CCDC149: variants seen among roughly 807,000 people sequenced by gnomAD.
CCDC149 encodes coiled-coil domain-containing protein 149.
Under a neutral mutation model 59.9 loss-of-function variants are expected in CCDC149, and 45 were observed. The observed-to-expected ratio is 0.75, with a 90% confidence interval of 0.59 to 0.96. CCDC149 has a LOEUF of 0.96. Among genes scored for constraint, CCDC149 ranks in the 40% least tolerant of loss-of-function variants. The probability of loss-of-function intolerance (pLI) is 0.00; values close to 1 mark genes in which losing one functional copy is unlikely to be tolerated. For missense variants in CCDC149, 584 were observed against 664.7 expected, an observed-to-expected ratio of 0.88 and a Z score of 1.33; for synonymous variants, 245 against 260.6, an observed-to-expected ratio of 0.94 and a Z score of 0.58.
At chr4:24,933,097 G>T (rs1369456799) in intron 1 of CCDC149, among the ~76,000 whole-genome samples, 1 of 152,176 alleles carries the variant, frequency 6.6e-6, no homozygotes. Flanking sequence ...TAACAAAGAG[G>T]GGGCTGTTCT....
rs373054547 is a variant in CCDC149 at position 24,943,698 on chromosome 4, A to G, written c.-65+36371T>C. On this transcript the variant is annotated intron_variant, in intron 1 of 12. Coordinates refer to the CCDC149 transcript ENST00000389609. ...ACAGGGCTAATATCCAGAATCTACA[A>G]TGAACTCAAACAAATTTACAAGAAA... 5.9e-5 allele frequency among the ~76,000 whole-genome samples: 9 copies of G among 152,324 alleles called. No individual in the cohort carries two copies. The East Asian group carries it at 9.6e-4, about 16-fold the overall frequency.
chr4:24,885,770 G>A (rs2244756), intron 1 of CCDC149, among the ~76,000 whole-genome samples: 27,653 of 152,216 alleles, frequency 0.18, 2,629 homozygotes, highest in Non-Finnish European at 0.22. Flanking sequence ...AGTAGGGACT[G>A]CTGACATTCT....
At chr4:24,922,093 A>G (rs1722312135) in intron 1 of CCDC149, among the ~76,000 whole-genome samples, 2 of 152,074 alleles carry the variant, frequency 1.3e-5, no homozygotes, top group South Asian at 2.1e-4. Context: ...CTCTGTGTCT[A>G]AATTTCCCCT....
At chr4:24,812,160 A>T (rs1714654151) in intron 12 of CCDC149, among the ~76,000 whole-genome samples, 1 of 152,250 alleles carries the variant, frequency 6.6e-6, no homozygotes, top group Admixed American at 6.5e-5. Flanking sequence ...TAAATCAATC[A>T]TATCGGCAAA....
Position 24,821,063 on chromosome 4 carries a change from C to A in CCDC149, c.1067G>T (p.Gly356Val). 8.1e-7 allele frequency: 1 copy of A among 1,231,198 alleles called. No homozygotes were observed. Among genetic ancestry groups the A allele is most frequent in the Non-Finnish European group, 1.0e-6 (1 of 987,572 alleles). The allele number at this position is 1,231,198 out of a possible 1,614,324, so 76.3% of individuals were successfully genotyped here. ...TTTTAAACAGAACATACTCCCAAAT[C>A]CTACTGAAACATTGTAGCTCAGGCC... is the stretch of plus-strand genomic sequence containing the variant. The change falls in exon 11 of 13, where the codon GGA becomes GTA. Residue 356 changes from glycine to valine, a missense_variant. Physicochemically the swap from Gly to Val is moderately radical, Grantham distance 109 (BLOSUM62 -3). Transcript: ENST00000635206.
chr4:24,967,321 G>T (rs538634613), intron 1 of CCDC149, among the ~76,000 whole-genome samples: 2 of 152,292 alleles, frequency 1.3e-5, no homozygotes, highest in East Asian at 1.9e-4. Context: ...TGGAGGAGGT[G>T]CAGAAAATGT....
In CCDC149 at chr4:24,831,581, T is replaced by C; in HGVS notation, c.890A>G (p.Lys297Arg). 2 of 1,614,116 alleles carry C rather than the reference T, an allele frequency of 1.2e-6. No homozygotes were observed. Among genetic ancestry groups the C allele is most frequent in the South Asian group, 2.2e-5 (2 of 91,080 alleles). Reference sequence around the variant, plus strand: ...TTCCAACAGGGCTGTTGCCAGAGATTTCAGGTCAGAAATGGACTGCGGAGT... The same window carrying C: ...TTCCAACAGGGCTGTTGCCAGAGATCTCAGGTCAGAAATGGACTGCGGAGT... Residue 297 changes from lysine to arginine, a missense_variant, in exon 9 of 13, where the codon AAA becomes AGA. By Grantham distance (26) the Lys-to-Arg change is conservative (BLOSUM62 2). Coordinates refer to ENST00000635206, the MANE Select transcript of CCDC149 (RefSeq NM_001330643.2).
chr4:24,811,358 C>G (rs1240034026), intron 12 of CCDC149, among the ~76,000 whole-genome samples: 1 of 151,860 alleles, frequency 6.6e-6, no homozygotes, highest in Non-Finnish European at 1.5e-5. Flanking sequence ...ATCCTGCGTC[C>G]CCCCTGCTTG....
intron 1 of CCDC149, among the ~76,000 whole-genome samples, chr4:24,884,809 T>C (rs1313335184): frequency 2.0e-5 from 3 of 152,356 alleles, no homozygotes; most frequent in South Asian, 2.1e-4. Flanking sequence ...GTGTGTTGTA[T>C]GCATGTTAAT....
chr4:24,968,916 G>T (rs1003690318), intron 1 of CCDC149, among the ~76,000 whole-genome samples: 10 of 152,218 alleles, frequency 6.6e-5, no homozygotes, highest in Non-Finnish European at 2.9e-5. Flanking sequence ...ATCAGAAAGA[G>T]ATAACTATTT....
At chr4:24,930,322 G>A (rs1158178463) in intron 1 of CCDC149, among the ~76,000 whole-genome samples, 1 of 152,244 alleles carries the variant, frequency 6.6e-6, no homozygotes, top group African/African-American at 2.4e-5. Context: ...TCATCACATG[G>A]AGGGAAGCCA....
chr4:24,812,447 A>G (rs892472951), intron 12 of CCDC149, among the ~76,000 whole-genome samples: 1 of 152,338 alleles, frequency 6.6e-6, no homozygotes, highest in Non-Finnish European at 1.5e-5. Flanking sequence ...TGTAGAAGAT[A>G]CAGACCCACG....
At chr4:24,894,852 C>A in intron 1 of CCDC149, 1 of 1,067,392 alleles carries the variant, frequency 9.4e-7, no homozygotes, top group African/African-American at 1.6e-5. Context: ...CTCAAAGTCG[C>A]TGACACCCCT....
intron 1 of CCDC149, among the ~76,000 whole-genome samples, chr4:24,904,072 T>C (rs972237963): frequency 9.9e-5 from 15 of 152,232 alleles, no homozygotes; most frequent in African/African-American, 3.4e-4. Context: ...AGTGCTGCGA[T>C]TACAGGCGTG....
intron 12 of CCDC149, among the ~76,000 whole-genome samples, chr4:24,809,405 A>G (rs990627831): frequency 2.0e-5 from 3 of 152,180 alleles, no homozygotes; most frequent in Middle Eastern, 3.2e-3. Context: ...CCCCTTCTCT[A>G]TAGGATGGAA....
At position 24,835,153 on chromosome 4, in the gene CCDC149, A is replaced by C. The variant is rs997691767; in HGVS notation, c.736-121T>G. On this transcript the variant is annotated intron_variant, in intron 7 of 12. Transcript: ENST00000635206. ...CCTTGCAAACTCCAAGTGCTAGCCTAATATTTAGAATTCCAAGTCTACGCC... is the reference window on the plus strand; with the variant it reads ...CCTTGCAAACTCCAAGTGCTAGCCTCATATTTAGAATTCCAAGTCTACGCC... 9.9e-6 allele frequency: 6 copies of C among 605,802 alleles called. No homozygotes were observed. The African/African-American group carries it at 1.1e-4, about 11-fold the overall frequency. 37.5% of individuals were successfully genotyped at this position (605,802 alleles called of 1,614,324 possible). A position where few individuals can be genotyped will look rare whatever the true frequency, so the allele number is the denominator to read the frequency against.
chr4:24,846,252 C>T (rs950931231), intron 4 of CCDC149, among the ~76,000 whole-genome samples: 1 of 152,184 alleles, frequency 6.6e-6, no homozygotes. Flanking sequence ...ATCAAGATCC[C>T]AGGTAGAGCA....
At chr4:24,954,806 GA>G (rs1318347278) in intron 1 of CCDC149, among the ~76,000 whole-genome samples, 2 of 152,198 alleles carry the variant, frequency 1.3e-5, no homozygotes, top group Admixed American at 6.5e-5. Context: ...CTGTCTTGAT[GA>G]ATAGCACCTG....
At chr4:24,857,274 T>C (rs1319711115) in intron 3 of CCDC149, among the ~76,000 whole-genome samples, 2 of 152,046 alleles carry the variant, frequency 1.3e-5, no homozygotes, top group African/African-American at 4.8e-5. Flanking sequence ...TTCTCTTTTC[T>C]CAATCCATAC....
Sources: gnomAD v4.1 joint callset for allele counts (sites outside exome capture counted in the v4.1 genomes callset) on GRCh38, gnomAD v4.1.1 for gene constraint, MANE v1.5 for transcripts, NCBI Gene and HGNC (gene_info 2026-07-23, HGNC 2026-07-21) for gene names.